Variants in PDE1A observed in about 807,000 individuals in gnomAD.
PDE1A encodes the protein dual specificity calcium/calmodulin-dependent 3',5'-cyclic nucleotide phosphodiesterase 1A.
PDE1A carries 35 observed loss-of-function variants against 61.7 expected under a neutral mutation model. The observed-to-expected ratio is 0.57, with a 90% confidence interval of 0.43 to 0.75. The LOEUF (loss-of-function observed/expected upper bound fraction) is 0.75. Among genes scored for constraint, PDE1A ranks in the 30% least tolerant of loss-of-function variants. The pLI, the probability that PDE1A is intolerant of heterozygous loss-of-function variation, is 0.00. For missense variants in PDE1A, 597 were observed against 630.6 expected (o/e 0.95, Z 0.57); for synonymous variants, 232 against 213.2 (o/e 1.09, Z -0.77).
chr2:182,152,412 C>CT (rs559392112), intron 13 of PDE1A, among the ~76,000 whole-genome samples: 1,471 of 75,138 alleles, frequency 0.02, 35 homozygotes, highest in African/African-American at 0.046. Context: ...TTTTTTTCCT[C>CT]TTTTTTTTTT....
At chr2:182,184,648 C>T (rs1387597674) in intron 13 of PDE1A, among the ~76,000 whole-genome samples, 1 of 152,038 alleles carries the variant, frequency 6.6e-6, no homozygotes, top group African/African-American at 2.4e-5. Context: ...TGAAGAATAT[C>T]ATAAGGGTAA....
the PDE1A span, among the ~76,000 whole-genome samples, chr2:182,543,101 G>T: frequency 6.6e-6 from 1 of 152,130 alleles, no homozygotes; most frequent in East Asian, 1.9e-4. Context: ...AGTGGGCACT[G>T]GAAAGGGTAG....
chr2:182,556,520 G>A, the PDE1A span, among the ~76,000 whole-genome samples: 1 of 152,210 alleles, frequency 6.6e-6, no homozygotes, highest in South Asian at 2.1e-4. Context: ...GCAAGCACCA[G>A]CAAACAATCA....
the PDE1A span, among the ~76,000 whole-genome samples, chr2:182,713,100 A>G: frequency 1.3e-5 from 2 of 152,172 alleles, no homozygotes; most frequent in South Asian, 4.1e-4. Flanking sequence ...CTTGCTGTTC[A>G]ATCTGACTAT....
At chr2:182,548,433 T>C in the PDE1A span, among the ~76,000 whole-genome samples, 2 of 152,116 alleles carry the variant, frequency 1.3e-5, no homozygotes, top group Admixed American at 1.3e-4. Context: ...AAGAAGGAAT[T>C]TGGAAGGCAG....
chr2:182,698,069 G>A, the PDE1A span, among the ~76,000 whole-genome samples: 1 of 152,212 alleles, frequency 6.6e-6, no homozygotes, highest in South Asian at 2.1e-4. Context: ...TCAGGCATCA[G>A]AAGAGCAGCA....
the PDE1A span, among the ~76,000 whole-genome samples, chr2:182,641,077 A>G: frequency 6.6e-6 from 1 of 151,884 alleles, no homozygotes; most frequent in Admixed American, 6.6e-5. Flanking sequence ...AGAACAAACC[A>G]TGTAGTAAGT....
chr2:182,524,883 A>T (rs1486379473), upstream of PDE1A, among the ~76,000 whole-genome samples: 2 of 151,896 alleles, frequency 1.3e-5, no homozygotes, highest in Non-Finnish European at 2.9e-5. Context: ...AATTATCTCT[A>T]TTAGAACAAG....
chr2:182,257,058 C>G (rs951244362), intron 2 of PDE1A, among the ~76,000 whole-genome samples: 11 of 152,130 alleles, frequency 7.2e-5, no homozygotes, highest in African/African-American at 9.7e-5. Context: ...TTTGATTTAC[C>G]CTTTTCAGTA....
intron 1 of PDE1A, among the ~76,000 whole-genome samples, chr2:182,287,041 T>A (rs1483923378): frequency 6.6e-6 from 1 of 152,146 alleles, no homozygotes; most frequent in African/African-American, 2.4e-5. Flanking sequence ...GACTTCATAA[T>A]CTTGCCCCTG....
At chr2:182,651,768 A>T in the PDE1A span, among the ~76,000 whole-genome samples, 2 of 152,222 alleles carry the variant, frequency 1.3e-5, no homozygotes, top group Admixed American at 1.3e-4. Context: ...GTGCATTAAC[A>T]TACACTGATT....
intron 1 of PDE1A, among the ~76,000 whole-genome samples, chr2:182,412,760 T>A (rs1433653447): frequency 6.6e-6 from 1 of 152,210 alleles, no homozygotes; most frequent in Admixed American, 6.5e-5. Context: ...TCTAACTTGA[T>A]TATTCTCTAA....
chr2:182,499,239 C>T (rs1243473433), intron 2 of PDE1A, among the ~76,000 whole-genome samples: 2 of 138,906 alleles, frequency 1.4e-5, no homozygotes, highest in African/African-American at 5.5e-5. Flanking sequence ...TGCAGTGGCG[C>T]GATCTCGGCT....
chr2:182,271,966 G>T (rs2125819669), intron 1 of PDE1A, among the ~76,000 whole-genome samples: 1 of 152,196 alleles, frequency 6.6e-6, no homozygotes, highest in South Asian at 2.1e-4. Flanking sequence ...AAATGGTGAT[G>T]AAAGGGCTTT....
chr2:182,664,229 G>A, the PDE1A span, among the ~76,000 whole-genome samples: 2 of 152,176 alleles, frequency 1.3e-5, no homozygotes, highest in Non-Finnish European at 2.9e-5. Context: ...GAGAACATCT[G>A]ATAAAGTCAA....
chr2:182,249,543 T>C (rs1330825585), intron 2 of PDE1A, among the ~76,000 whole-genome samples: 1 of 152,146 alleles, frequency 6.6e-6, no homozygotes, highest in Non-Finnish European at 1.5e-5. Flanking sequence ...AAGGTGGTAC[T>C]GAACTCATAT....
At chr2:182,488,049 C>T (rs1381829396) in intron 2 of PDE1A, among the ~76,000 whole-genome samples, 2 of 151,916 alleles carry the variant, frequency 1.3e-5, no homozygotes, top group African/African-American at 4.8e-5. Flanking sequence ...CAATATTGAA[C>T]AAAAAAGTAT....
At chr2:182,403,620 T>C (rs1206222122) in intron 1 of PDE1A, among the ~76,000 whole-genome samples, 1 of 125,248 alleles carries the variant, frequency 8.0e-6, no homozygotes, top group Non-Finnish European at 1.6e-5. Flanking sequence ...AAAAAGAAAA[T>C]GTGGCACATA....
intron 1 of PDE1A, among the ~76,000 whole-genome samples, chr2:182,416,666 A>G (rs1702936998): frequency 6.6e-6 from 1 of 152,230 alleles, no homozygotes; most frequent in South Asian, 2.1e-4. Context: ...AGAAAAGACT[A>G]GCTGAAGCAC....
Sources: gnomAD v4.1 joint callset for allele counts (sites outside exome capture counted in the v4.1 genomes callset) on GRCh38, gnomAD v4.1.1 for gene constraint, MANE v1.5 for transcripts, NCBI Gene and HGNC (gene_info 2026-07-23, HGNC 2026-07-21) for gene names.